The following BMERB1 variants were observed in gnomAD, a reference collection of about 807,000 sequenced individuals.
BMERB1 encodes the protein bMERB domain-containing protein 1.
BMERB1 carries 12 observed loss-of-function variants against 23.6 expected under a neutral mutation model. That is an observed-to-expected ratio of 0.51 (90% CI 0.33 to 0.82). The LOEUF is 0.82. Ranked by LOEUF, BMERB1 falls within the 40% of genes least tolerant of loss-of-function variation. The pLI is 0.03. For missense variants in BMERB1, 247 were observed against 255.4 expected (o/e 0.97, Z 0.22); for synonymous variants, 122 against 96.6 (o/e 1.26, Z -1.54).
chr16:15,505,494 C>T (rs1407216053), intron 1 of BMERB1, among the ~76,000 whole-genome samples: 2 of 152,088 alleles, frequency 1.3e-5, no homozygotes, highest in Non-Finnish European at 1.5e-5. Flanking sequence ...TGCTTTGTTT[C>T]CTCAGGTTTA....
intron 2 of BMERB1, among the ~76,000 whole-genome samples, chr16:15,520,477 C>CTTTTTT (rs147757819): frequency 1.8e-5 from 2 of 109,362 alleles, no homozygotes; most frequent in Non-Finnish European, 3.6e-5. Flanking sequence ...CATAGATGTT[C>CTTTTTT]TTTTTTTTTT....
At chr16:15,480,023 A>ATATATATAATATATATAT (rs567929504) in intron 1 of BMERB1, among the ~76,000 whole-genome samples, 6 of 147,864 alleles carry the variant, frequency 4.1e-5, no homozygotes, top group African/African-American at 1.5e-4. Flanking sequence ...ATATATATAT[A>ATATATATAATATATATAT]ATATATATTT....
At chr16:15,519,176 A>G (rs893578875) in intron 2 of BMERB1, among the ~76,000 whole-genome samples, 1 of 151,872 alleles carries the variant, frequency 6.6e-6, no homozygotes, top group Non-Finnish European at 1.5e-5. Context: ...TTTCAGGCTC[A>G]GGCGAGGAAG....
At chr16:15,556,302 G>T (rs2030256478) in intron 2 of BMERB1, among the ~76,000 whole-genome samples, 1 of 152,158 alleles carries the variant, frequency 6.6e-6, no homozygotes, top group South Asian at 2.1e-4. Context: ...GGATGGAAGT[G>T]GCTGTTCCTA....
intron 1 of BMERB1, among the ~76,000 whole-genome samples, chr16:15,495,570 G>A (rs963579506): frequency 6.6e-6 from 1 of 152,080 alleles, no homozygotes; most frequent in African/African-American, 2.4e-5. Flanking sequence ...GTTTCACCAT[G>A]TTAGCCAGGA....
Position 15,515,298 on chromosome 16 carries a change from T to G in BMERB1, c.107-7T>G, listed in dbSNP as rs1438723184. ...CCTGATGGTTGTATTTCCTGTCTCCTGCACAGATCAGCTGGACATCATCTC... is the reference window on the plus strand; with the variant it reads ...CCTGATGGTTGTATTTCCTGTCTCCGGCACAGATCAGCTGGACATCATCTC... On this transcript the variant is annotated splice_region_variant and splice_polypyrimidine_tract_variant and intron_variant, in intron 1 of 5. Transcript: ENST00000300006. 6.2e-7 allele frequency: 1 copy of G among 1,613,274 alleles called. No homozygotes were observed. The highest frequency in any genetic ancestry group is 1.1e-5 in the South Asian group (1 of 91,020).
intron 2 of BMERB1, among the ~76,000 whole-genome samples, chr16:15,521,185 A>AGTGATGGGCTTTCTAT: frequency 6.6e-6 from 1 of 152,230 alleles, no homozygotes; most frequent in African/African-American, 2.4e-5. Flanking sequence ...TCATCTTGTC[A>AGTGATGGGCTTTCTAT]GTGATGGGCT....
chr16:15,441,451 T>C (rs1264588996), intron 1 of BMERB1, among the ~76,000 whole-genome samples: 3 of 152,062 alleles, frequency 2.0e-5, no homozygotes, highest in Non-Finnish European at 2.9e-5. Flanking sequence ...TGGTGTGATC[T>C]TGGCTTGCTG....
chr16:15,581,228 A>G lies in BMERB1; in HGVS notation c.316A>G (p.Thr106Ala). The change falls in exon 4 of 6, where the codon ACC becomes GCC. Residue 106 changes from threonine to alanine, a missense_variant. By Grantham distance (58) the Thr-to-Ala change is moderately conservative. Transcript: ENST00000300006. ...NLVAIPEKEK[T>A]KLQKQREDEL... Reference sequence around the variant, plus strand: ...TGTCTTCTTTCCAGAAAAAGAAAAAACCAAACTGCAGAAGCAGAGAGAGGA... The same window carrying G: ...TGTCTTCTTTCCAGAAAAAGAAAAAGCCAAACTGCAGAAGCAGAGAGAGGA... The G allele has an allele frequency of 6.2e-7, 1 of 1,611,782 alleles. No individual in the cohort carries two copies. Among genetic ancestry groups the G allele is most frequent in the Non-Finnish European group, 8.5e-7 (1 of 1,179,074 alleles).
intron 2 of BMERB1, among the ~76,000 whole-genome samples, chr16:15,521,654 C>G (rs1375271002): frequency 1.3e-5 from 2 of 152,116 alleles, no homozygotes; most frequent in Non-Finnish European, 2.9e-5. Flanking sequence ...TTGCTGACTT[C>G]CCTTTGCTTG....
chr16:15,573,608 C>A (rs970142703), intron 3 of BMERB1, among the ~76,000 whole-genome samples: 5 of 152,130 alleles, frequency 3.3e-5, no homozygotes, highest in African/African-American at 1.2e-4. Context: ...CTGCAAAATA[C>A]CTCAAGCATT....
intron 1 of BMERB1, among the ~76,000 whole-genome samples, chr16:15,459,129 AACAC>A (rs1006668023): frequency 1.3e-4 from 20 of 152,146 alleles, no homozygotes; most frequent in Admixed American, 3.9e-4. Flanking sequence ...AAACAAACAA[AACAC>A]ACACACAAAC....
chr16:15,533,668 G>A (rs1267799790), intron 2 of BMERB1, among the ~76,000 whole-genome samples: 1 of 152,154 alleles, frequency 6.6e-6, no homozygotes, highest in African/African-American at 2.4e-5. Context: ...GATGATGAGG[G>A]AGTGGCAAAC....
At chr16:15,488,766 C>A (rs1462542940) in intron 1 of BMERB1, among the ~76,000 whole-genome samples, 2 of 149,372 alleles carry the variant, frequency 1.3e-5, no homozygotes, top group African/African-American at 4.9e-5. Context: ...TGGCGTGAAC[C>A]GAGATCGCGC....
chr16:15,449,602 A>G lies in BMERB1; in HGVS notation c.106+14843A>G, dbSNP rs1700050561. On this transcript the variant is annotated intron_variant, in intron 1 of 5. Coordinates refer to ENST00000300006, the MANE Select transcript of BMERB1 (RefSeq NM_033201.3). ...GCTCTGTCGCCCATGCTGGAGTGCA[A>G]TGGTGTGATCTCAGCTCAATGCAAC... Among the ~76,000 whole-genome samples, 3 of 151,682 alleles carry G rather than the reference A, an allele frequency of 2.0e-5. No individual in the cohort carries two copies. In the South Asian group the frequency reaches 6.3e-4, roughly 32 times the overall value.
intron 1 of BMERB1, among the ~76,000 whole-genome samples, chr16:15,514,402 G>A (rs1012166783): frequency 1.6e-4 from 24 of 152,208 alleles, no homozygotes; most frequent in Admixed American, 1.0e-3. Flanking sequence ...CGTGGTCAGG[G>A]GGAGCAGAGG....
At chr16:15,514,907 G>A (rs528957078) in intron 1 of BMERB1, among the ~76,000 whole-genome samples, 10 of 152,136 alleles carry the variant, frequency 6.6e-5, no homozygotes, top group East Asian at 5.8e-4. Flanking sequence ...GGTAAACCCC[G>A]TCTCTACTAA....
At chr16:15,453,932 G>A (rs1183405202) in intron 1 of BMERB1, among the ~76,000 whole-genome samples, 1 of 151,976 alleles carries the variant, frequency 6.6e-6, no homozygotes, top group African/African-American at 2.4e-5. Context: ...TAACCACTGA[G>A]AGCATCCCTT....
At chr16:15,566,526 G>A (rs1474526754) in intron 2 of BMERB1, among the ~76,000 whole-genome samples, 1 of 152,150 alleles carries the variant, frequency 6.6e-6, no homozygotes, top group African/African-American at 2.4e-5. Context: ...GAGTGCAGTG[G>A]CTCACGCCTG....
Sources: gnomAD v4.1 joint callset for allele counts (sites outside exome capture counted in the v4.1 genomes callset) on GRCh38, gnomAD v4.1.1 for gene constraint, MANE v1.5 for transcripts, NCBI Gene and HGNC (gene_info 2026-07-23, HGNC 2026-07-21) for gene names.